The following PPIP5K2 variants were observed in gnomAD, a reference collection of about 807,000 sequenced individuals.
The protein encoded by PPIP5K2 is inositol hexakisphosphate and diphosphoinositol-pentakisphosphate kinase 2.
A neutral mutation model predicts 154.6 loss-of-function variants in PPIP5K2; 105 were observed. That is an observed-to-expected ratio of 0.68 (90% confidence interval 0.58 to 0.80). The LOEUF (loss-of-function observed/expected upper bound fraction) is 0.80, where lower values mean the gene tolerates loss of function less well. Ranked by LOEUF, PPIP5K2 falls within the 30% of genes least tolerant of loss-of-function variation. The pLI, the probability that PPIP5K2 is intolerant of heterozygous loss-of-function variation, is 0.00. For synonymous variants in PPIP5K2, 480 were observed against 490.3 expected, an observed-to-expected ratio of 0.98 and a Z score of 0.28; for missense variants, 992 against 1,504.6, an observed-to-expected ratio of 0.66 and a Z score of 5.64.
chr5:103,154,857 G>A lies in PPIP5K2; in HGVS notation c.1317G>A (p.Gln439=). 6.3e-7 allele frequency: 1 copy of A among 1,599,690 alleles called. No homozygotes were observed. The highest frequency in any genetic ancestry group is 8.5e-7 in the Non-Finnish European group (1 of 1,174,956). ...AGGAAGTGCTAGATATTGCACGACAGCTTCTTATGGAGCTAGGGCAAAATA... is the reference window on the plus strand; with the variant it reads ...AGGAAGTGCTAGATATTGCACGACAACTTCTTATGGAGCTAGGGCAAAATA... ...QLQEVLDIAR[Q]LLMELGQNND... The change falls in exon 13 of 31, where the codon CAG becomes CAA. Residue 439 remains glutamine, a synonymous_variant. Transcript: ENST00000358359.
chr5:103,193,321 G>C (rs1801557883), intron 29 of PPIP5K2, among the ~76,000 whole-genome samples: 1 of 151,948 alleles, frequency 6.6e-6, no homozygotes, highest in Admixed American at 6.6e-5. Flanking sequence ...ATTATTTACA[G>C]TTAGTTCCCT....
intron 11 of PPIP5K2, 90 bp from the exon 12 acceptor site, chr5:103,154,580 T>C: frequency 1.3e-6 from 1 of 780,802 alleles, no homozygotes; most frequent in South Asian, 2.1e-5. Flanking sequence ...TCTAGTCCCA[T>C]AGCTTATCAT....
chr5:103,122,004 T>C (rs1329869244), intron 1 of PPIP5K2, among the ~76,000 whole-genome samples: 1 of 152,214 alleles, frequency 6.6e-6, no homozygotes, highest in African/African-American at 2.4e-5. Context: ...AAGGTGTTCT[T>C]ATTTTTAGCA....
rs782293135 is a variant in PPIP5K2 at position 103,159,350 on chromosome 5, T to C, written c.1920+22T>C. 6.5e-6 allele frequency: 10 copies of C among 1,544,754 alleles called. No individual in the cohort carries two copies. The South Asian group carries it at 7.1e-5, about 11-fold the overall frequency. On this transcript the variant is annotated intron_variant, in intron 17 of 30. Coordinates refer to ENST00000358359, the MANE Select transcript of PPIP5K2 (RefSeq NM_001276277.3). ...AAAGGTGGGTCTTAGCAAACTCTTA[T>C]ATTGTGAAATATTACACACACACAG...
chr5:103,168,415 G>A (rs1554218649), intron 19 of PPIP5K2, 120 bp downstream of exon 19: 5 of 701,504 alleles, frequency 7.1e-6, no homozygotes, highest in Non-Finnish European at 1.2e-5. Flanking sequence ...CTTTAAACAG[G>A]AAATTAGGTA....
intron 29 of PPIP5K2, among the ~76,000 whole-genome samples, chr5:103,192,227 A>G (rs113152569): frequency 0.015 from 2,329 of 152,220 alleles, 39 homozygotes; most frequent in South Asian, 0.063. Flanking sequence ...GTAGGTCTTA[A>G]CTTAAAAATT....
rs782626012 is a variant in PPIP5K2 at position 103,183,209 on chromosome 5, T to C, written c.2923-25T>C. On this transcript the variant is annotated intron_variant, in intron 24 of 30. Transcript: ENST00000358359. ...TTTTTTTTTTTTTTTTTTTTTTTTT[T>C]TTTTGCCCCCTTTCTCACTTCCAGG... 1.6e-4 allele frequency: 115 copies of C among 709,838 alleles called. 1 individual carries two copies. The African/African-American group carries it at 2.2e-3, about 13-fold the overall frequency. The allele number at this position is 709,838 out of a possible 1,614,324, so 44.0% of individuals were successfully genotyped here.
At chr5:103,120,567 C>CT (rs1788486912) in intron 1 of PPIP5K2, 79 bp downstream of exon 1, 1 of 455,184 alleles carries the variant, frequency 2.2e-6, no homozygotes, top group Non-Finnish European at 4.4e-6. Flanking sequence ...TGGGCTTCTG[C>CT]TTTGTCTCCT....
At chr5:103,147,441 A>G (rs180784390) in intron 6 of PPIP5K2, among the ~76,000 whole-genome samples, 68 of 152,132 alleles carry the variant, frequency 4.5e-4, no homozygotes, top group Middle Eastern at 6.8e-3. Flanking sequence ...CACAAGTTGC[A>G]TATGAGCACA....
Position 103,173,837 on chromosome 5 carries a change from ACTGT to A in PPIP5K2, c.2415-17_2415-14del, listed in dbSNP as rs1191151224. Reference sequence around the variant, plus strand: ...TTTGATTATATGGTTATGTTTGAACACTGTCTGCTTCTAATTTTAGGTATTCTAG... The same window carrying A: ...TTTGATTATATGGTTATGTTTGAACACTGCTTCTAATTTTAGGTATTCTAG... On this transcript the variant is annotated splice_polypyrimidine_tract_variant and intron_variant, in intron 20 of 30. Transcript: ENST00000358359. The A allele has an allele frequency of 1.2e-5, 17 of 1,412,798 alleles. No homozygotes were observed. The highest frequency in any genetic ancestry group is 2.4e-5 in the South Asian group (2 of 84,812). 87.5% of individuals were successfully genotyped at this position (1,412,798 alleles called of 1,614,324 possible).
intron 27 of PPIP5K2, 98 bp downstream of exon 27, chr5:103,186,537 C>A: frequency 1.3e-6 from 2 of 1,512,134 alleles, no homozygotes; most frequent in Non-Finnish European, 1.8e-6. Flanking sequence ...CTGACTGATT[C>A]GAGTGAAATC....
chr5:103,124,761 G>A (rs1235544226), intron 1 of PPIP5K2, among the ~76,000 whole-genome samples: 1 of 152,120 alleles, frequency 6.6e-6, no homozygotes, highest in African/African-American at 2.4e-5. Context: ...ACTGGCCAGG[G>A]TATAACAGCT....
At chr5:103,153,088 T>C (rs1554211867) in intron 10 of PPIP5K2, among the ~76,000 whole-genome samples, 1 of 151,940 alleles carries the variant, frequency 6.6e-6, no homozygotes, top group African/African-American at 2.4e-5. Context: ...ATTGCCAAAA[T>C]GTTTTATAAC....
At chr5:103,163,530 C>A (rs116271906) in intron 17 of PPIP5K2, among the ~76,000 whole-genome samples, 1 of 151,742 alleles carries the variant, frequency 6.6e-6, no homozygotes, top group Non-Finnish European at 1.5e-5. Context: ...CTTTTCCAAT[C>A]TTTGTTTTTT....
chr5:103,151,141 AG>A (rs1794591093), intron 8 of PPIP5K2, 111 bp from the exon 9 acceptor site: 2 of 802,810 alleles, frequency 2.5e-6, no homozygotes, highest in Admixed American at 3.2e-5. Flanking sequence ...ACCACTATAT[AG>A]TAATATACTT....
At chr5:103,179,892 T>A in intron 23 of PPIP5K2, 129 bp from the exon 24 acceptor site, 1 of 700,674 alleles carries the variant, frequency 1.4e-6, no homozygotes, top group Non-Finnish European at 2.1e-6. Flanking sequence ...TCAATTAATG[T>A]TAATTCATCT....
intron 21 of PPIP5K2, among the ~76,000 whole-genome samples, chr5:103,175,612 G>A (rs1798591907): frequency 6.6e-6 from 1 of 152,094 alleles, no homozygotes; most frequent in South Asian, 2.1e-4. Flanking sequence ...AAGAGCCAGT[G>A]CCTTGTATTC....
intron 1 of PPIP5K2, chr5:103,120,929 C>T (rs1788573708): frequency 6.3e-6 from 1 of 159,086 alleles, no homozygotes; most frequent in Admixed American, 6.1e-5. Context: ...TAACAAAAGC[C>T]TCATGTGTTG....
rs1803640751 is a variant in PPIP5K2, at chr5:103,208,562, A to G, written c.*6928A>G. 6.6e-6 allele frequency: 1 copy of G among 152,280 alleles called. No homozygotes were observed. The highest frequency in any genetic ancestry group is 1.5e-5 in the Non-Finnish European group (1 of 68,124). The allele number at this position is 152,280 out of a possible 1,614,324, so 9.4% of individuals were successfully genotyped here. ...CTCTTTCCTCCTGTCTGCCACGTCT[A>G]CAGACTACTGCTTGTCAATGTGATA... On this transcript the variant is annotated 3_prime_UTR_variant, in exon 31 of 31. Transcript: ENST00000358359.
Sources: allele counts gnomAD v4.1 joint callset (sites outside exome capture counted in the v4.1 genomes callset), GRCh38; gene constraint gnomAD v4.1.1; transcripts MANE v1.5; gene names NCBI Gene and HGNC (gene_info 2026-07-23, HGNC 2026-07-21).